The following RGS5 variants were observed in gnomAD, a reference collection of about 807,000 sequenced individuals.
RGS5 encodes regulator of G protein signaling 5.
Under a neutral mutation model 18.9 loss-of-function variants are expected in RGS5, and 20 were observed. The observed-to-expected ratio is 1.06, with a 90% CI of 0.74 to 1.54. The LOEUF is 1.54. Ranked by LOEUF, RGS5 falls within the 40% of genes most tolerant of loss-of-function variation. The probability of loss-of-function intolerance (pLI) is 0.00; values close to 1 mark genes in which losing one functional copy is unlikely to be tolerated. For missense variants in RGS5, 201 were observed against 211.8 expected (o/e 0.95, Z 0.32); for synonymous variants, 57 against 76.2 (o/e 0.75, Z 1.31).
At chr1:163,251,408 G>T (rs1321595861) in intron 2 of RGS5, among the ~76,000 whole-genome samples, 2 of 152,092 alleles carry the variant, frequency 1.3e-5, no homozygotes, top group African/African-American at 2.4e-5. Context: ...GTAAAGAAAA[G>T]AGAAAAATCA....
intron 1 of RGS5, among the ~76,000 whole-genome samples, chr1:163,319,980 T>A (rs756816406): frequency 6.6e-6 from 1 of 152,202 alleles, no homozygotes; most frequent in Non-Finnish European, 1.5e-5. Flanking sequence ...GTAATTTGAA[T>A]AAACACTCAT....
At chr1:163,172,604 A>C in intron 1 of RGS5, 1 of 1,549,832 alleles carries the variant, frequency 6.5e-7, no homozygotes, top group Non-Finnish European at 8.7e-7. Context: ...TGGAAATGTA[A>C]GGGAGAAAAG....
At chr1:163,214,595 C>G (rs1660176838) in intron 1 of RGS5, among the ~76,000 whole-genome samples, 1 of 152,114 alleles carries the variant, frequency 6.6e-6, no homozygotes, top group Non-Finnish European at 1.5e-5. Context: ...AAGAACCTAG[C>G]CTTAATCTCA....
At chr1:163,171,555 C>T (rs1658299151) in intron 1 of RGS5, among the ~76,000 whole-genome samples, 1 of 152,070 alleles carries the variant, frequency 6.6e-6, no homozygotes, top group Non-Finnish European at 1.5e-5. Flanking sequence ...TAACTTTATC[C>T]CCCCTCTCAA....
chr1:163,245,543 G>T (rs969069277), intron 2 of RGS5, among the ~76,000 whole-genome samples: 2 of 152,094 alleles, frequency 1.3e-5, no homozygotes, highest in African/African-American at 4.8e-5. Context: ...CAGGAACCAA[G>T]GTTTTTGTAT....
intron 2 of RGS5, among the ~76,000 whole-genome samples, chr1:163,288,951 C>G (rs1312727711): frequency 1.3e-5 from 2 of 152,140 alleles, no homozygotes; most frequent in Non-Finnish European, 2.9e-5. Context: ...TCTTCCCCTT[C>G]TTGGTATATG....
At chr1:163,233,451 C>A (rs1390037723) in intron 2 of RGS5, among the ~76,000 whole-genome samples, 7 of 152,150 alleles carry the variant, frequency 4.6e-5, no homozygotes, top group Non-Finnish European at 1.0e-4. Context: ...TAAAAATTTC[C>A]AGTGGGAGTT....
intron 2 of RGS5, among the ~76,000 whole-genome samples, chr1:163,232,108 A>T (rs1467158186): frequency 1.3e-5 from 2 of 151,604 alleles, no homozygotes; most frequent in African/African-American, 4.8e-5. Context: ...TGAAATGCAA[A>T]GATGGCGGGG....
At chr1:163,175,053 A>G (rs1658486984) in intron 1 of RGS5, among the ~76,000 whole-genome samples, 2 of 152,210 alleles carry the variant, frequency 1.3e-5, no homozygotes, top group South Asian at 4.1e-4. Context: ...GATTGGTTCC[A>G]GGCTGCTTCC....
chr1:163,302,411 CCTAATAT>C (rs1649576787), intron 2 of RGS5, among the ~76,000 whole-genome samples: 1 of 152,084 alleles, frequency 6.6e-6, no homozygotes, highest in South Asian at 2.1e-4. Flanking sequence ...TTCCTTTTCA[CCTAATAT>C]GTTTCTTAAG....
At chr1:163,283,282 ATTTGAATG>A (rs1190067168) in intron 2 of RGS5, among the ~76,000 whole-genome samples, 2 of 152,184 alleles carry the variant, frequency 1.3e-5, no homozygotes, top group African/African-American at 4.8e-5. Flanking sequence ...AGAAGACAGG[ATTTGAATG>A]TTTGAATGTT....
chr1:163,177,337 T>A (rs1195842089), intron 1 of RGS5, among the ~76,000 whole-genome samples: 1 of 152,244 alleles, frequency 6.6e-6, no homozygotes, highest in Non-Finnish European at 1.5e-5. Context: ...TTATTGTATC[T>A]GAGCAAACCC....
chr1:163,197,367 G>C (rs760625089), intron 1 of RGS5, among the ~76,000 whole-genome samples: 1 of 152,036 alleles, frequency 6.6e-6, no homozygotes, highest in African/African-American at 2.4e-5. Flanking sequence ...AGCATCATCC[G>C]TATAACCTTG....
At chr1:163,196,204 C>T (rs1285395252) in intron 1 of RGS5, among the ~76,000 whole-genome samples, 1 of 152,148 alleles carries the variant, frequency 6.6e-6, no homozygotes, top group Non-Finnish European at 1.5e-5. Flanking sequence ...CTGATTAGAA[C>T]TTTAAGGGAG....
chr1:163,188,570 C>T (rs972240410), intron 1 of RGS5, among the ~76,000 whole-genome samples: 1 of 152,086 alleles, frequency 6.6e-6, no homozygotes, highest in African/African-American at 2.4e-5. Context: ...GGATTCTGGA[C>T]CCACAGCTCA....
At chr1:163,193,237 G>A (rs2101650120) in intron 1 of RGS5, among the ~76,000 whole-genome samples, 1 of 152,316 alleles carries the variant, frequency 6.6e-6, no homozygotes, top group South Asian at 2.1e-4. Context: ...AGCGCCTGGG[G>A]AAACAGTTAG....
intron 1 of RGS5, among the ~76,000 whole-genome samples, chr1:163,179,286 T>C (rs1658703119): frequency 6.6e-6 from 1 of 152,250 alleles, no homozygotes; most frequent in African/African-American, 2.4e-5. Flanking sequence ...AAACCTTACC[T>C]TGCCTTAGTT....
chr1:163,195,115 T>A (rs1488899890), intron 1 of RGS5, among the ~76,000 whole-genome samples: 1 of 152,198 alleles, frequency 6.6e-6, no homozygotes, highest in African/African-American at 2.4e-5. Flanking sequence ...GAAGTCATTA[T>A]ATGAAGACAT....
chr1:163,151,509 T>C (rs138621529), intron 4 of RGS5, among the ~76,000 whole-genome samples: 2 of 152,290 alleles, frequency 1.3e-5, no homozygotes, highest in Non-Finnish European at 2.9e-5. Flanking sequence ...CCTTAAATCA[T>C]AATAATTCCC....
Sources: allele counts gnomAD v4.1 joint callset (sites outside exome capture counted in the v4.1 genomes callset), GRCh38; gene constraint gnomAD v4.1.1; transcripts MANE v1.5; gene names NCBI Gene and HGNC (gene_info 2026-07-23, HGNC 2026-07-21).